The following ANK3 variants were observed in gnomAD, a reference collection of about 807,000 sequenced individuals.
ANK3 encodes the protein ankyrin-3.
Under a neutral mutation model 370.9 loss-of-function variants are expected in ANK3, and 57 were observed. The observed-to-expected ratio is 0.15, with a 90% CI of 0.12 to 0.19. ANK3 has a LOEUF of 0.19. Ranked by LOEUF, ANK3 falls within the 10% of genes least tolerant of loss-of-function variation. ANK3 has a pLI of 1.00. For synonymous variants in ANK3, 1,929 were observed against 1,946.3 expected (o/e 0.99, Z 0.23); for missense variants, 4,439 against 5,302.1 (o/e 0.84, Z 5.06).
chr10:60,258,641 A>G (rs1400939870), intron 7 of ANK3, among the ~76,000 whole-genome samples: 1 of 152,120 alleles, frequency 6.6e-6, no homozygotes, highest in Non-Finnish European at 1.5e-5. Context: ...AGGAACATCT[A>G]TTGCATGCAG....
At chr10:60,475,504 T>C (rs1386434508) in intron 2 of ANK3, among the ~76,000 whole-genome samples, 1 of 152,210 alleles carries the variant, frequency 6.6e-6, no homozygotes, top group African/African-American at 2.4e-5. Flanking sequence ...TTTACCCATG[T>C]GGGAGAAAAA....
chr10:60,475,659 A>G (rs1297634181), intron 2 of ANK3, among the ~76,000 whole-genome samples: 1 of 152,190 alleles, frequency 6.6e-6, no homozygotes. Flanking sequence ...TATAAAATTT[A>G]GAGGGATTTT....
chr10:60,032,191 C>CTTTTTTT (rs1564505236), intron 43 of ANK3, among the ~76,000 whole-genome samples: 8 of 57,932 alleles, frequency 1.4e-4, no homozygotes, highest in African/African-American at 4.9e-4. Context: ...AAATACACAG[C>CTTTTTTT]TTCTTTTTTT....
At chr10:60,714,695 C>A (rs2079757043) in intron 1 of ANK3, among the ~76,000 whole-genome samples, 2 of 152,214 alleles carry the variant, frequency 1.3e-5, no homozygotes, top group African/African-American at 4.8e-5. Context: ...AATCTCAGTA[C>A]ACTAAGAATA....
intron 1 of ANK3, among the ~76,000 whole-genome samples, chr10:60,304,440 C>G (rs2044529402): frequency 6.6e-6 from 1 of 151,836 alleles, no homozygotes; most frequent in African/African-American, 2.4e-5. Context: ...GCCAGGAGTT[C>G]AAGACCAGCC....
intron 1 of ANK3, chr10:60,733,185 C>A (rs904870014): frequency 8.3e-7 from 1 of 1,203,414 alleles, no homozygotes; most frequent in Non-Finnish European, 1.0e-6. Context: ...CCCCCCGGCC[C>A]GGGCCTCCCG....
intron 1 of ANK3, among the ~76,000 whole-genome samples, chr10:60,728,274 G>GT (rs1473056970): frequency 6.6e-6 from 1 of 152,106 alleles, no homozygotes; most frequent in Admixed American, 6.6e-5. Flanking sequence ...CCAAGTCCTT[G>GT]TTTTTTGGTG....
intron 2 of ANK3, among the ~76,000 whole-genome samples, chr10:60,594,743 GT>G (rs912931211): frequency 1.5e-4 from 23 of 152,132 alleles, no homozygotes; most frequent in Admixed American, 2.0e-4. Context: ...AGTAATGTTG[GT>G]TTTTTTCAGG....
At chr10:60,256,351 C>G (rs1425783859) in intron 7 of ANK3, among the ~76,000 whole-genome samples, 3 of 152,166 alleles carry the variant, frequency 2.0e-5, no homozygotes, top group African/African-American at 7.2e-5. Flanking sequence ...AGTAGATGCT[C>G]TATAAATATT....
chr10:60,407,352 A>G (rs2132918973), intron 2 of ANK3, among the ~76,000 whole-genome samples: 1 of 152,350 alleles, frequency 6.6e-6, no homozygotes, highest in African/African-American at 2.4e-5. Flanking sequence ...AATGTTAGCG[A>G]TAATTATAAT....
intron 43 of ANK3, among the ~76,000 whole-genome samples, chr10:60,035,156 C>T (rs1413487173): frequency 6.6e-6 from 1 of 152,072 alleles, no homozygotes; most frequent in Non-Finnish European, 1.5e-5. Context: ...AGTGGATTAG[C>T]TAATTTAATC....
At position 60,071,230 on chromosome 10, in the gene ANK3, G is replaced by A. The variant is rs1230311805; in HGVS notation, c.9651C>T (p.Ser3217=). The change falls in exon 37 of 44, where the codon TCC becomes TCT. Residue 3217 remains serine (S), a synonymous_variant. Transcript: ENST00000280772. ...SEEEEQAKST[S]LKQTTVEETA... ...TTTCCTCCACTGTAGTCTGCTTAAG[G>A]GAGGTTGACTTGGCCTGTTCCTCCT... The A allele has an allele frequency of 6.2e-6, 10 of 1,614,086 alleles. No homozygotes were observed. The highest frequency in any genetic ancestry group is 8.5e-6 in the Non-Finnish European group (10 of 1,180,002).
chr10:60,564,946 T>G (rs1210809865), intron 2 of ANK3, among the ~76,000 whole-genome samples: 1 of 152,172 alleles, frequency 6.6e-6, no homozygotes, highest in African/African-American at 2.4e-5. Context: ...AGTAGAATCC[T>G]AAACATATAA....
At chr10:60,718,739 T>C (rs1320589319) in intron 1 of ANK3, among the ~76,000 whole-genome samples, 1 of 152,124 alleles carries the variant, frequency 6.6e-6, no homozygotes, top group Non-Finnish European at 1.5e-5. Flanking sequence ...ATTTTTTTTA[T>C]GGCCACCCCA....
chr10:60,142,011 A>C (rs2094590638), intron 23 of ANK3, among the ~76,000 whole-genome samples: 2 of 152,204 alleles, frequency 1.3e-5, no homozygotes, highest in Non-Finnish European at 2.9e-5. Context: ...AAATGTCTGA[A>C]TGTTCATCGA....
intron 1 of ANK3, among the ~76,000 whole-genome samples, chr10:60,362,573 T>C (rs1400607321): frequency 3.3e-5 from 5 of 152,152 alleles, no homozygotes; most frequent in Non-Finnish European, 7.3e-5. Context: ...CCCCATAGGA[T>C]CTTAATGAAT....
At chr10:60,080,824 G>GGGAAGTACAGGGAAGC (rs1482596447) in intron 35 of ANK3, among the ~76,000 whole-genome samples, 2 of 152,074 alleles carry the variant, frequency 1.3e-5, no homozygotes, top group African/African-American at 2.4e-5. Flanking sequence ...CAACACAGCA[G>GGGAAGTACAGGGAAGC]ACTACAGGGA....
intron 1 of ANK3, among the ~76,000 whole-genome samples, chr10:60,635,808 C>A (rs2186252): frequency 2.2e-4 from 33 of 151,634 alleles, no homozygotes; most frequent in East Asian, 1.7e-3. Flanking sequence ...GCCTTTTCTC[C>A]CATCTCACAT....
chr10:60,124,532 C>T (rs2093658388), intron 25 of ANK3, among the ~76,000 whole-genome samples: 1 of 152,280 alleles, frequency 6.6e-6, no homozygotes, highest in South Asian at 2.1e-4. Flanking sequence ...TATAATGTTG[C>T]ATCCCTCTAT....
Sources: allele counts gnomAD v4.1 joint callset (sites outside exome capture counted in the v4.1 genomes callset), GRCh38; gene constraint gnomAD v4.1.1; transcripts MANE v1.5; gene names NCBI Gene and HGNC (gene_info 2026-07-23, HGNC 2026-07-21).